SLC24A2: variants seen among roughly 807,000 people sequenced by gnomAD.
The protein encoded by SLC24A2 is sodium/potassium/calcium exchanger 2.
A neutral mutation model predicts 62.0 loss-of-function variants in SLC24A2; 36 were observed. That is an observed-to-expected ratio of 0.58 (90% CI 0.44 to 0.77). The LOEUF is 0.77. SLC24A2 is among the 30% of genes least tolerant of loss of function. SLC24A2 has a pLI of 0.00. For missense variants in SLC24A2, 846 were observed against 817.9 expected, an observed-to-expected ratio of 1.03 and a Z score of -0.42; for synonymous variants, 358 against 294.0, an observed-to-expected ratio of 1.22 and a Z score of -2.23.
At chr9:19,650,667 A>T (rs1191863606) in intron 2 of SLC24A2, among the ~76,000 whole-genome samples, 1 of 152,204 alleles carries the variant, frequency 6.6e-6, no homozygotes, top group Non-Finnish European at 1.5e-5. Context: ...TCTGGAGTGG[A>T]TCAATTTTTC....
At chr9:19,975,852 T>C in the SLC24A2 span, among the ~76,000 whole-genome samples, 2 of 152,084 alleles carry the variant, frequency 1.3e-5, no homozygotes, top group African/African-American at 4.8e-5. Context: ...CAACTTCAGA[T>C]TGAAAATATT....
At chr9:20,235,913 G>A in the SLC24A2 span, among the ~76,000 whole-genome samples, 125 of 152,170 alleles carry the variant, frequency 8.2e-4, 1 homozygote, top group African/African-American at 2.7e-3. Context: ...TGTTTGTCTT[G>A]AGCCTCACTG....
At chr9:19,726,742 T>C (rs928967071) in intron 2 of SLC24A2, among the ~76,000 whole-genome samples, 1 of 152,188 alleles carries the variant, frequency 6.6e-6, no homozygotes, top group African/African-American at 2.4e-5. Flanking sequence ...GCTAAATTCA[T>C]TTGCAGTTTA....
the SLC24A2 span, among the ~76,000 whole-genome samples, chr9:20,282,116 T>C: frequency 3.5e-4 from 53 of 152,310 alleles, no homozygotes; most frequent in African/African-American, 1.2e-3. Flanking sequence ...GGAGAAAGAT[T>C]ATTTAAATAT....
At chr9:19,545,143 C>CA (rs1302206969) in intron 8 of SLC24A2, among the ~76,000 whole-genome samples, 3 of 151,902 alleles carry the variant, frequency 2.0e-5, no homozygotes, top group Non-Finnish European at 4.4e-5. Context: ...CCTTTTTTCT[C>CA]TAATCTTGTC....
At chr9:19,615,773 AG>A (rs1817752040) in intron 4 of SLC24A2, among the ~76,000 whole-genome samples, 1 of 152,180 alleles carries the variant, frequency 6.6e-6, no homozygotes, top group African/African-American at 2.4e-5. Flanking sequence ...ATTGTAGCAC[AG>A]CTCCACAAGG....
the SLC24A2 span, among the ~76,000 whole-genome samples, chr9:20,237,047 T>A: frequency 1.3e-5 from 2 of 152,114 alleles, 1 homozygote; most frequent in Admixed American, 1.3e-4. Flanking sequence ...GGAGCCTGAA[T>A]CGCAAACACC....
At chr9:20,255,730 C>G in the SLC24A2 span, among the ~76,000 whole-genome samples, 1 of 152,172 alleles carries the variant, frequency 6.6e-6, no homozygotes, top group Non-Finnish European at 1.5e-5. Flanking sequence ...CCCGACATCA[C>G]TTTTGTCATA....
the SLC24A2 span, among the ~76,000 whole-genome samples, chr9:19,909,480 A>T: frequency 1.2e-4 from 18 of 152,026 alleles, no homozygotes; most frequent in African/African-American, 2.9e-4. Context: ...TTAAAGTATA[A>T]AAAAAAAGAA....
chr9:20,217,332 G>A, the SLC24A2 span, among the ~76,000 whole-genome samples: 1 of 152,210 alleles, frequency 6.6e-6, no homozygotes, highest in Non-Finnish European at 1.5e-5. Context: ...TGATCAGAAA[G>A]AGGTTACAAG....
chr9:20,133,818 T>A, the SLC24A2 span, among the ~76,000 whole-genome samples: 1 of 152,056 alleles, frequency 6.6e-6, no homozygotes, highest in Non-Finnish European at 1.5e-5. Context: ...TAAGATATAG[T>A]GAAGAGATTT....
chr9:20,190,565 T>C, the SLC24A2 span, among the ~76,000 whole-genome samples: 78,921 of 151,894 alleles, frequency 0.52, 22,213 homozygotes, highest in East Asian at 0.86. Flanking sequence ...CTCCTACTAG[T>C]CCCATTGTTT....
intron 9 of SLC24A2, among the ~76,000 whole-genome samples, chr9:19,521,447 C>T (rs1263194028): frequency 6.6e-6 from 1 of 152,192 alleles, no homozygotes; most frequent in African/African-American, 2.4e-5. Context: ...AAGATTTGCC[C>T]TTCAACTTAC....
At chr9:19,544,971 C>T (rs1834475961) in intron 8 of SLC24A2, among the ~76,000 whole-genome samples, 3 of 152,216 alleles carry the variant, frequency 2.0e-5, no homozygotes, top group Non-Finnish European at 4.4e-5. Context: ...GAACGTTGGC[C>T]TGTCTTGCTA....
Position 19,637,446 on chromosome 9 carries a change from G to A in SLC24A2, c.931-15147C>T, listed in dbSNP as rs570854366. On this transcript the variant is annotated intron_variant, in intron 2 of 10. Coordinates refer to ENST00000341998, the MANE Select transcript of SLC24A2 (RefSeq NM_020344.4). ...AACTATTGCCCCTCTGTAGGCTTTG[G>A]TAGTCTTGAGGGTGGTTTACATCTG... Among the ~76,000 whole-genome samples, 3 of 152,286 alleles carry A rather than the reference G, an allele frequency of 2.0e-5. No individual in the cohort carries two copies. The South Asian group carries it at 6.2e-4, about 32-fold the overall frequency.
chr9:19,567,096 C>A (rs989890212), intron 7 of SLC24A2, among the ~76,000 whole-genome samples: 1 of 146,628 alleles, frequency 6.8e-6, no homozygotes, highest in African/African-American at 2.5e-5. Context: ...TACCCTAGAA[C>A]TTAAAGTATA....
At chr9:20,093,676 G>T in the SLC24A2 span, among the ~76,000 whole-genome samples, 4 of 152,116 alleles carry the variant, frequency 2.6e-5, 1 homozygote, top group African/African-American at 9.7e-5. Context: ...CGGAACAATG[G>T]TTCTAAAAGT....
chr9:19,713,824 T>G (rs1587203093), intron 2 of SLC24A2, among the ~76,000 whole-genome samples: 2 of 152,248 alleles, frequency 1.3e-5, no homozygotes, highest in East Asian at 3.9e-4. Flanking sequence ...TCTGAATTCC[T>G]CAAGAATACT....
At chr9:20,160,276 G>A in the SLC24A2 span, among the ~76,000 whole-genome samples, 2 of 151,412 alleles carry the variant, frequency 1.3e-5, no homozygotes, top group African/African-American at 2.4e-5. Flanking sequence ...AAATGACACT[G>A]TAAACACCTG....
Sources: allele counts gnomAD v4.1 joint callset (sites outside exome capture counted in the v4.1 genomes callset), GRCh38; gene constraint gnomAD v4.1.1; transcripts MANE v1.5; gene names NCBI Gene and HGNC (gene_info 2026-07-23, HGNC 2026-07-21).